AMOTL1: variants seen among roughly 807,000 people sequenced by gnomAD.
AMOTL1 encodes the protein angiomotin like 1, also known as angiomotin-like protein 1.
A neutral mutation model predicts 102.9 loss-of-function variants in AMOTL1; 45 were observed. That is an observed-to-expected ratio of 0.44 (90% CI 0.34 to 0.56). The LOEUF (loss-of-function observed/expected upper bound fraction) is 0.56, where lower values mean the gene tolerates loss of function less well. Among genes scored for constraint, AMOTL1 ranks in the 20% least tolerant of loss-of-function variants. The pLI is 0.01. For missense variants in AMOTL1, 1,114 were observed against 1,225.6 expected (o/e 0.91, Z 1.36); for synonymous variants, 481 against 484.7 (o/e 0.99, Z 0.10).
chr11:94,846,054 C>T (rs967371518), intron 6 of AMOTL1, among the ~76,000 whole-genome samples: 17 of 152,272 alleles, frequency 1.1e-4, no homozygotes, highest in East Asian at 3.9e-4. Flanking sequence ...TGTTATCTCC[C>T]GAAGGATGAC....
At chr11:94,751,683 T>A in intron 3 of AMOTL1, among the ~76,000 whole-genome samples, 1 of 144,996 alleles carries the variant, frequency 6.9e-6, no homozygotes. Flanking sequence ...TGAAGATAAA[T>A]GGTTATCTGC....
intron 4 of AMOTL1, 63 bp from the exon 5 acceptor site, chr11:94,829,987 A>G (rs1952040419): frequency 1.3e-6 from 2 of 1,489,572 alleles, no homozygotes; most frequent in Non-Finnish European, 9.0e-7. Context: ...CTAAGAATCC[A>G]TTTTACCAAG....
chr11:94,735,170 C>A (rs1950420130), intron 2 of AMOTL1, among the ~76,000 whole-genome samples: 1 of 152,192 alleles, frequency 6.6e-6, no homozygotes, highest in African/African-American at 2.4e-5. Context: ...AGCCTGCAGT[C>A]AAAGCAGACC....
intron 3 of AMOTL1, among the ~76,000 whole-genome samples, chr11:94,813,485 TCCA>T (rs1951716201): frequency 6.6e-6 from 1 of 152,142 alleles, no homozygotes; most frequent in African/African-American, 2.4e-5. Flanking sequence ...AATTCTTTAT[TCCA>T]TAAGTGACTT....
rs76612478 is a variant in AMOTL1, at chr11:94,794,296, C to T, written c.50-715C>T. On this transcript the variant is annotated intron_variant, in intron 1 of 12. Transcript: ENST00000433060. ...CTGGGCCCGTCCTGCTGAATGTTCCCATGGATGTTGTGTGTGCGGTATCAG... is the reference window on the plus strand; with the variant it reads ...CTGGGCCCGTCCTGCTGAATGTTCCTATGGATGTTGTGTGTGCGGTATCAG... Among the ~76,000 whole-genome samples the T allele has an allele frequency of 5.9e-3, 893 of 152,320 alleles. 13 individuals are homozygous for T. Among genetic ancestry groups the T allele is most frequent in the African/African-American group, 0.02 (828 of 41,560 alleles).
At chr11:94,816,004 TTCTAGAG>T (rs1398523735) in intron 3 of AMOTL1, among the ~76,000 whole-genome samples, 1 of 152,182 alleles carries the variant, frequency 6.6e-6, no homozygotes, top group Non-Finnish European at 1.5e-5. Context: ...ATAATGGTCT[TTCTAGAG>T]ATTGTGTTTT....
At chr11:94,750,303 C>A (rs537183172) in intron 3 of AMOTL1, among the ~76,000 whole-genome samples, 3 of 152,258 alleles carry the variant, frequency 2.0e-5, no homozygotes, top group Admixed American at 2.0e-4. Context: ...CCGTGAACAC[C>A]GTGATAATTG....
chr11:94,875,862 T>C lies in AMOTL1; in HGVS notation c.*5067T>C, dbSNP rs762601664. The C allele has an allele frequency of 4.6e-5, 7 of 152,406 alleles. No individual in the cohort carries two copies. Among genetic ancestry groups the C allele is most frequent in the Non-Finnish European group, 1.0e-4 (7 of 68,048 alleles). The allele number at this position is 152,406 out of a possible 1,614,324, so 9.4% of individuals were successfully genotyped here. A position where few individuals can be genotyped will look rare whatever the true frequency, so the allele number is the denominator to read the frequency against. On this transcript the variant is annotated 3_prime_UTR_variant, in exon 13 of 13. Coordinates refer to ENST00000433060, the MANE Select transcript of AMOTL1 (RefSeq NM_130847.3). Reference sequence around the variant, plus strand: ...ATCAATTCTCTTGCCATGCCTCCTATGTGTTCACATCTCTGCATACACTAC... The same window carrying C: ...ATCAATTCTCTTGCCATGCCTCCTACGTGTTCACATCTCTGCATACACTAC...
In AMOTL1 at chr11:94,863,013, G is replaced by A. The variant is rs527960446; in HGVS notation, c.2136-1722G>A. Among the ~76,000 whole-genome samples the A allele has an allele frequency of 2.2e-3, 337 of 152,236 alleles. 4 individuals are homozygous for A. Among genetic ancestry groups the A allele is most frequent in the Non-Finnish European group, 6.8e-4 (46 of 68,028 alleles). The stretch of plus-strand genomic sequence containing the variant: ...AAACTTGCAGGAGTATAGAGCGATG[G>A]TTAGGGGCATGGACTTTGGAGTCAT... On this transcript the variant is annotated intron_variant, in intron 9 of 12. Transcript: ENST00000433060.
chr11:94,772,001 G>A (rs1305807846), intron 1 of AMOTL1, among the ~76,000 whole-genome samples: 1 of 152,010 alleles, frequency 6.6e-6, no homozygotes, highest in Non-Finnish European at 1.5e-5. Context: ...TTTTCATTTT[G>A]TTTTTAAGTA....
chr11:94,835,043 G>T (rs981610445), intron 6 of AMOTL1, among the ~76,000 whole-genome samples: 4 of 152,196 alleles, frequency 2.6e-5, no homozygotes, highest in African/African-American at 9.6e-5. Flanking sequence ...AAAAAATCTT[G>T]AAGAATTAAG....
At chr11:94,715,110 T>G (rs1404131688) in intron 1 of AMOTL1, among the ~76,000 whole-genome samples, 1 of 152,168 alleles carries the variant, frequency 6.6e-6, no homozygotes, top group African/African-American at 2.4e-5. Flanking sequence ...CCTTTGAGAC[T>G]TTCTCATTTA....
chr11:94,730,673 GATGA>G (rs559021145), intron 2 of AMOTL1, among the ~76,000 whole-genome samples: 1 of 152,100 alleles, frequency 6.6e-6, no homozygotes, highest in Admixed American at 6.5e-5. Context: ...TGTGTGGCTG[GATGA>G]ATGAATGAAT....
At chr11:94,803,893 G>A (rs1951523682) in intron 3 of AMOTL1, among the ~76,000 whole-genome samples, 1 of 152,082 alleles carries the variant, frequency 6.6e-6, no homozygotes, top group African/African-American at 2.4e-5. Context: ...CATTTTTCCT[G>A]TACAAATTAA....
chr11:94,751,841 G>A (rs2135490522), intron 3 of AMOTL1, among the ~76,000 whole-genome samples: 1 of 151,880 alleles, frequency 6.6e-6, no homozygotes, highest in South Asian at 2.1e-4. Context: ...AATGGGAAGG[G>A]CATTTTCCCT....
intron 4 of AMOTL1, among the ~76,000 whole-genome samples, chr11:94,827,226 T>TA (rs1211138995): frequency 2.6e-5 from 4 of 152,064 alleles, no homozygotes; most frequent in African/African-American, 4.8e-5. Flanking sequence ...ATACAACAGA[T>TA]AAAAAATACT....
At chr11:94,728,272 A>C (rs899887533) in intron 1 of AMOTL1, among the ~76,000 whole-genome samples, 1 of 152,168 alleles carries the variant, frequency 6.6e-6, no homozygotes, top group Non-Finnish European at 1.5e-5. Flanking sequence ...TGGCCTTCTC[A>C]GTGGTGGCCA....
chr11:94,800,230 A>G lies in AMOTL1; in HGVS notation c.1040A>G (p.Lys347Arg). 1.2e-6 allele frequency: 2 copies of G among 1,614,024 alleles called. No individual in the cohort carries two copies. Among genetic ancestry groups the G allele is most frequent in the South Asian group, 1.1e-5 (1 of 91,086 alleles). Residue 347 changes from lysine to arginine, a missense_variant, in exon 3 of 13, where the codon AAG becomes AGG. By Grantham distance (26) the Lys-to-Arg change is conservative (BLOSUM62 2). Coordinates refer to ENST00000433060, the MANE Select transcript of AMOTL1 (RefSeq NM_130847.3). Reference protein sequence around the residue: ...QHPGMLHEMVKPYPAPQPVRT... With the variant: ...QHPGMLHEMVRPYPAPQPVRT... ...CCCGGGATGCTCCACGAGATGGTCA[A>G]GCCCTACCCTGCTCCTCAGCCTGTG...
At chr11:94,707,022 T>C (rs1282358666) in intron 1 of AMOTL1, among the ~76,000 whole-genome samples, 3 of 152,062 alleles carry the variant, frequency 2.0e-5, no homozygotes, top group Non-Finnish European at 4.4e-5. Context: ...AGCCTTGATT[T>C]GCTGTTTCGC....
Sources: allele counts gnomAD v4.1 joint callset (sites outside exome capture counted in the v4.1 genomes callset), GRCh38; gene constraint gnomAD v4.1.1; transcripts MANE v1.5; gene names NCBI Gene and HGNC (gene_info 2026-07-23, HGNC 2026-07-21).